Variants in ARHGAP24 observed in about 807,000 individuals in gnomAD.
The protein encoded by ARHGAP24 is rho GTPase-activating protein 24.
In ARHGAP24, 50 loss-of-function variants were observed where a neutral mutation model predicts 76.4. The ratio of observed to expected loss-of-function variants is 0.65; its 90% confidence interval spans 0.52 to 0.83. The LOEUF (loss-of-function observed/expected upper bound fraction) is 0.83. Ranked by LOEUF, ARHGAP24 falls within the 40% of genes least tolerant of loss-of-function variation. The pLI is 0.00. For synonymous variants in ARHGAP24, 345 were observed against 323.3 expected (o/e 1.07, Z -0.72); for missense variants, 930 against 914.2 (o/e 1.02, Z -0.22).
chr4:85,768,144 T>G (rs1388223145), intron 3 of ARHGAP24, among the ~76,000 whole-genome samples: 6 of 152,024 alleles, frequency 3.9e-5, no homozygotes, highest in Non-Finnish European at 8.8e-5. Flanking sequence ...TATAGCAAAA[T>G]GTTAGCAATA....
intron 1 of ARHGAP24, among the ~76,000 whole-genome samples, chr4:85,515,614 C>T (rs1724468042): frequency 6.6e-6 from 1 of 151,980 alleles, no homozygotes; most frequent in Admixed American, 6.6e-5. Flanking sequence ...GTTTCCAGAA[C>T]TCTTCCTAGT....
At chr4:85,684,581 C>T (rs1254261309) in intron 2 of ARHGAP24, among the ~76,000 whole-genome samples, 3 of 151,938 alleles carry the variant, frequency 2.0e-5, no homozygotes, top group Non-Finnish European at 4.4e-5. Context: ...TGTCCGTTTC[C>T]GTCCAAGCCG....
At chr4:85,564,071 T>G (rs1271487321) in intron 1 of ARHGAP24, among the ~76,000 whole-genome samples, 2 of 152,200 alleles carry the variant, frequency 1.3e-5, no homozygotes, top group African/African-American at 4.8e-5. Flanking sequence ...GCAACACTCT[T>G]ATGTCCTTTG....
intron 3 of ARHGAP24, among the ~76,000 whole-genome samples, chr4:85,855,368 C>G (rs895108163): frequency 6.6e-6 from 1 of 152,190 alleles, no homozygotes; most frequent in Non-Finnish European, 1.5e-5. Flanking sequence ...TGATCAAATA[C>G]AGGACCAGAA....
intron 2 of ARHGAP24, among the ~76,000 whole-genome samples, chr4:85,702,722 G>A (rs533298862): frequency 7.2e-5 from 11 of 152,210 alleles, no homozygotes; most frequent in African/African-American, 2.6e-4. Context: ...TTGATGTCCT[G>A]TAATGAGGTT....
intron 2 of ARHGAP24, among the ~76,000 whole-genome samples, chr4:85,677,028 A>C (rs1003528606): frequency 2.6e-5 from 4 of 152,172 alleles, no homozygotes; most frequent in African/African-American, 9.7e-5. Flanking sequence ...CAACGGGGGC[A>C]GAGCAGAGCA....
Position 85,877,369 on chromosome 4 carries a change from A to G in ARHGAP24, c.269-46279A>G, listed in dbSNP as rs563541542. Among the ~76,000 whole-genome samples the G allele has an allele frequency of 3.9e-5, 6 of 152,310 alleles. No homozygotes were observed. In the East Asian group the frequency reaches 7.7e-4, roughly 20 times the overall value. On this transcript the variant is annotated intron_variant, in intron 3 of 9. Transcript: ENST00000395184. ...ACTGGATGCAGCAGCTCACTCCTGTAATCACCATACTTTGGGAGGCCCAGG... is the reference window on the plus strand; with the variant it reads ...ACTGGATGCAGCAGCTCACTCCTGTGATCACCATACTTTGGGAGGCCCAGG...
At chr4:85,972,260 C>T (rs1305034015) in intron 6 of ARHGAP24, 92 bp downstream of exon 6, 1 of 1,518,452 alleles carries the variant, frequency 6.6e-7, no homozygotes, top group Non-Finnish European at 9.0e-7. Flanking sequence ...ATTGCCCTAT[C>T]CCGGTGTTAC....
chr4:85,552,689 G>A (rs764790687), intron 1 of ARHGAP24, among the ~76,000 whole-genome samples: 1 of 152,124 alleles, frequency 6.6e-6, no homozygotes, highest in Non-Finnish European at 1.5e-5. Context: ...TTCTCTATGA[G>A]TCTTGGTGCT....
intron 3 of ARHGAP24, among the ~76,000 whole-genome samples, chr4:85,836,632 A>G (rs1379152019): frequency 6.6e-6 from 1 of 152,212 alleles, no homozygotes; most frequent in Non-Finnish European, 1.5e-5. Flanking sequence ...ATTCTGAGAT[A>G]CTGGAGGTTA....
intron 1 of ARHGAP24, among the ~76,000 whole-genome samples, chr4:85,485,416 T>TATATAG (rs1283790979): frequency 2.3e-4 from 27 of 115,788 alleles, no homozygotes; most frequent in African/African-American, 8.1e-4. Flanking sequence ...TATATATATC[T>TATATAG]CCTTGGATTT....
chr4:85,623,790 T>C (rs1472461729), intron 2 of ARHGAP24, among the ~76,000 whole-genome samples: 1 of 151,800 alleles, frequency 6.6e-6, no homozygotes, highest in Non-Finnish European at 1.5e-5. Flanking sequence ...GTAGTTCTCC[T>C]TGAAGAGGTC....
chr4:85,610,677 C>T (rs963098309), intron 2 of ARHGAP24, among the ~76,000 whole-genome samples: 1 of 151,690 alleles, frequency 6.6e-6, no homozygotes, highest in Admixed American at 6.6e-5. Flanking sequence ...GTGGTTTTTG[C>T]TACCATGGTG....
intron 1 of ARHGAP24, among the ~76,000 whole-genome samples, chr4:85,512,892 C>G (rs1724336972): frequency 6.6e-6 from 1 of 152,154 alleles, no homozygotes; most frequent in African/African-American, 2.4e-5. Context: ...ACTCAGTACT[C>G]CCACCAATAT....
At chr4:85,771,972 G>A (rs947926316) in intron 3 of ARHGAP24, among the ~76,000 whole-genome samples, 2 of 152,200 alleles carry the variant, frequency 1.3e-5, no homozygotes, top group African/African-American at 2.4e-5. Context: ...GCCTGCCAAA[G>A]TGCTGGGATT....
At chr4:85,485,189 AT>A (rs1342929457) in intron 1 of ARHGAP24, among the ~76,000 whole-genome samples, 1 of 150,056 alleles carries the variant, frequency 6.7e-6, no homozygotes, top group African/African-American at 2.5e-5. Context: ...ACTAAAAAAA[AT>A]ACAAAAAATT....
intron 3 of ARHGAP24, among the ~76,000 whole-genome samples, chr4:85,868,249 A>G (rs768296010): frequency 1.1e-4 from 17 of 152,178 alleles, no homozygotes; most frequent in Non-Finnish European, 2.1e-4. Flanking sequence ...AATAGAAAGG[A>G]GTGTCTGGGT....
At chr4:85,809,077 G>A (rs1487848333) in intron 3 of ARHGAP24, among the ~76,000 whole-genome samples, 1 of 152,104 alleles carries the variant, frequency 6.6e-6, no homozygotes, top group African/African-American at 2.4e-5. Context: ...TAAAGTTTTA[G>A]GTAAACAAGG....
intron 2 of ARHGAP24, among the ~76,000 whole-genome samples, chr4:85,651,441 A>T (rs2109981268): frequency 6.7e-6 from 1 of 149,332 alleles, no homozygotes; most frequent in Non-Finnish European, 1.5e-5. Flanking sequence ...CGTGAAGGAC[A>T]CACAGGGATT....
Sources: allele counts gnomAD v4.1 joint callset (sites outside exome capture counted in the v4.1 genomes callset), GRCh38; gene constraint gnomAD v4.1.1; transcripts MANE v1.5; gene names NCBI Gene and HGNC (gene_info 2026-07-23, HGNC 2026-07-21).